ERC1: variants seen among roughly 807,000 people sequenced by gnomAD.
ERC1 encodes RAB6 interacting protein 2.
A neutral mutation model predicts 132.0 loss-of-function variants in ERC1; 56 were observed. The observed-to-expected ratio is 0.42, with a 90% CI of 0.34 to 0.53. The LOEUF is 0.53. Among genes scored for constraint, ERC1 ranks in the 20% least tolerant of loss-of-function variants. The pLI is 0.03. For synonymous variants in ERC1, 478 were observed against 476.1 expected, an observed-to-expected ratio of 1.00 and a Z score of -0.05; for missense variants, 1,202 against 1,349.9, an observed-to-expected ratio of 0.89 and a Z score of 1.72.
chr12:1,073,694 C>T (rs532927115), intron 2 of ERC1, among the ~76,000 whole-genome samples: 6 of 152,184 alleles, frequency 3.9e-5, no homozygotes, highest in Non-Finnish European at 7.4e-5. Flanking sequence ...AACAAAAACC[C>T]GTAACATAGT....
chr12:1,158,275 G>C (rs1951577716), intron 8 of ERC1, among the ~76,000 whole-genome samples: 1 of 152,076 alleles, frequency 6.6e-6, no homozygotes, highest in Non-Finnish European at 1.5e-5. Flanking sequence ...TGAGTTCATA[G>C]TACTTTTCAG....
intron 2 of ERC1, among the ~76,000 whole-genome samples, chr12:1,068,945 T>C (rs184877127): frequency 6.6e-6 from 1 of 152,112 alleles, no homozygotes; most frequent in African/African-American, 2.4e-5. Flanking sequence ...AAAAGGTTAT[T>C]TCTTTTTTGG....
chr12:1,188,766 A>G (rs967534845), intron 11 of ERC1, among the ~76,000 whole-genome samples: 5 of 152,206 alleles, frequency 3.3e-5, no homozygotes, highest in Non-Finnish European at 7.3e-5. Flanking sequence ...GCTTTCTGAA[A>G]TATTTCCTAA....
At chr12:1,006,392 C>A (rs1387266870) in intron 1 of ERC1, among the ~76,000 whole-genome samples, 1 of 152,016 alleles carries the variant, frequency 6.6e-6, no homozygotes, top group Non-Finnish European at 1.5e-5. Flanking sequence ...CGCCAGCATG[C>A]CTGGCAAATT....
Position 1,408,531 on chromosome 12 carries a change from G to GTAATTTTTAACTGTCTTTAC in ERC1, c.3024+302_3024+321dup, listed in dbSNP as rs1183306129. 4.6e-5 allele frequency among the ~76,000 whole-genome samples: 7 copies of GTAATTTTTAACTGTCTTTAC among 152,230 alleles called. 1 individual carries two copies. The South Asian group carries it at 1.5e-3, about 32-fold the overall frequency. On this transcript the variant is annotated intron_variant, in intron 17 of 18. Transcript: ENST00000360905. ...CCTCAGAGATACACACTAATAATAT[G>GTAATTTTTAACTGTCTTTAC]TAATTTTTAACTGTCTTTACTAATT... is the stretch of plus-strand genomic sequence containing the variant.
Position 1,106,857 on chromosome 12 carries a change from C to A in ERC1, c.1161+2033C>A, listed in dbSNP as rs143442172. Among the ~76,000 whole-genome samples the A allele has an allele frequency of 4.9e-3, 745 of 152,202 alleles. 5 individuals are homozygous for A. Among genetic ancestry groups the A allele is most frequent in the African/African-American group, 0.016 (667 of 41,524 alleles). ...ATGGATGCATTTTAAGTTGTGTGAA[C>A]CTTCAGCCATTCTGCTAAGAAGGAG... On this transcript the variant is annotated intron_variant, in intron 4 of 18. Transcript: ENST00000360905.
chr12:1,348,203 C>T (rs555863578), intron 15 of ERC1, among the ~76,000 whole-genome samples: 1 of 152,132 alleles, frequency 6.6e-6, no homozygotes, highest in Admixed American at 6.5e-5. Flanking sequence ...CGATTTCTTT[C>T]CTAGCAAAAT....
At chr12:1,196,064 C>G (rs1200285475) in intron 12 of ERC1, among the ~76,000 whole-genome samples, 1 of 152,066 alleles carries the variant, frequency 6.6e-6, no homozygotes, top group Non-Finnish European at 1.5e-5. Context: ...TTAATTACTC[C>G]CCCAAATCAG....
At chr12:1,438,258 T>G (rs929525201) in intron 17 of ERC1, among the ~76,000 whole-genome samples, 21 of 152,232 alleles carry the variant, frequency 1.4e-4, no homozygotes, top group Middle Eastern at 3.2e-3. Flanking sequence ...GGGTAAAGAC[T>G]TTGAGGCAGA....
chr12:1,131,097 A>G (rs1423998435), intron 7 of ERC1, among the ~76,000 whole-genome samples: 1 of 152,230 alleles, frequency 6.6e-6, no homozygotes, highest in Non-Finnish European at 1.5e-5. Flanking sequence ...CTCATTCTAA[A>G]CTAATCAATG....
In ERC1 at chr12:1,216,375, A is replaced by T. The variant is rs544620904; in HGVS notation, c.2352-20394A>T. Among the ~76,000 whole-genome samples the T allele has an allele frequency of 1.8e-4, 27 of 152,200 alleles. No individual in the cohort carries two copies. The South Asian group carries it at 4.6e-3, about 26-fold the overall frequency. On this transcript the variant is annotated intron_variant, in intron 12 of 18. Coordinates refer to ENST00000360905, the MANE Select transcript of ERC1 (RefSeq NM_178040.4). ...TAGATCTGCTTTTATTAATGATTTTATGCCTTGATTTCCCACAGTTAGCCT... is the reference window on the plus strand; with the variant it reads ...TAGATCTGCTTTTATTAATGATTTTTTGCCTTGATTTCCCACAGTTAGCCT...
intron 15 of ERC1, among the ~76,000 whole-genome samples, chr12:1,332,794 G>C (rs1437157877): frequency 6.6e-6 from 1 of 152,166 alleles, no homozygotes. Flanking sequence ...CTTGTTACAG[G>C]TGGGGAAAAT....
chr12:1,184,402 C>T (rs1303759125), intron 11 of ERC1, among the ~76,000 whole-genome samples: 1 of 151,842 alleles, frequency 6.6e-6, no homozygotes, highest in Non-Finnish European at 1.5e-5. Flanking sequence ...ACATTAGGGT[C>T]TATTTTTTGG....
intron 15 of ERC1, among the ~76,000 whole-genome samples, chr12:1,296,734 AAAAG>A (rs1489228554): frequency 1.3e-5 from 2 of 152,212 alleles, no homozygotes; most frequent in Admixed American, 1.3e-4. Flanking sequence ...TAGAGCTGTC[AAAAG>A]AAAGAGTCAG....
intron 1 of ERC1, among the ~76,000 whole-genome samples, chr12:1,012,370 C>T (rs1472397195): frequency 6.6e-6 from 1 of 152,082 alleles, no homozygotes; most frequent in Non-Finnish European, 1.5e-5. Flanking sequence ...GTGTATCTAC[C>T]ACCTAGCTTA....
At chr12:1,384,913 A>G (rs908245590) in intron 16 of ERC1, among the ~76,000 whole-genome samples, 14 of 152,218 alleles carry the variant, frequency 9.2e-5, no homozygotes, top group Non-Finnish European at 1.6e-4. Flanking sequence ...GGGTTCTCAG[A>G]AAATAATTTG....
At chr12:1,227,602 G>A (rs1340174193) in intron 12 of ERC1, among the ~76,000 whole-genome samples, 1 of 152,050 alleles carries the variant, frequency 6.6e-6, no homozygotes, top group East Asian at 1.9e-4. Flanking sequence ...TCTTTAAGTT[G>A]TCTCTTTACT....
chr12:1,394,257 A>G (rs1001700289), intron 16 of ERC1, among the ~76,000 whole-genome samples: 43 of 151,238 alleles, frequency 2.8e-4, no homozygotes, highest in South Asian at 6.3e-4. Flanking sequence ...AAAATTAGCC[A>G]GGCGTGGTGG....
intron 7 of ERC1, among the ~76,000 whole-genome samples, chr12:1,121,801 A>G (rs867780817): frequency 3.2e-4 from 4 of 12,458 alleles, no homozygotes; most frequent in Non-Finnish European, 4.1e-4. Flanking sequence ...CTCTATCTCT[A>G]TCTCTATCTC....
Sources: gnomAD v4.1 joint callset for allele counts (sites outside exome capture counted in the v4.1 genomes callset) on GRCh38, gnomAD v4.1.1 for gene constraint, MANE v1.5 for transcripts, NCBI Gene and HGNC (gene_info 2026-07-23, HGNC 2026-07-21) for gene names.